BBS7: variants seen among roughly 807,000 people sequenced by gnomAD.
BBS7 encodes the protein Bardet-Biedl syndrome 7.
Under a neutral mutation model 90.3 loss-of-function variants are expected in BBS7, and 50 were observed. The observed-to-expected ratio is 0.55, with a 90% CI of 0.44 to 0.70. The LOEUF (loss-of-function observed/expected upper bound fraction) is 0.70, where lower values mean the gene tolerates loss of function less well. BBS7 is among the 30% of genes least tolerant of loss of function. The pLI, the probability that BBS7 is intolerant of heterozygous loss-of-function variation, is 0.00. For missense variants in BBS7, 729 were observed against 838.9 expected (o/e 0.87, Z 1.62); for synonymous variants, 235 against 287.4 (o/e 0.82, Z 1.85).
At chr4:121,846,719 G>A (rs776545320) in intron 10 of BBS7, among the ~76,000 whole-genome samples, 8 of 152,158 alleles carry the variant, frequency 5.3e-5, no homozygotes, top group Non-Finnish European at 1.2e-4. Context: ...GAAACGGCTT[G>A]TGCTACTAGT....
At chr4:121,828,030 A>G (rs1724987611) in intron 18 of BBS7, 116 bp downstream of exon 18, 9 of 1,535,608 alleles carry the variant, frequency 5.9e-6, no homozygotes, top group Non-Finnish European at 7.0e-6. Flanking sequence ...TGACTGGTTC[A>G]TGAATCATGA....
At chr4:121,848,737 G>C in intron 9 of BBS7, 107 bp downstream of exon 9, 1 of 855,600 alleles carries the variant, frequency 1.2e-6, no homozygotes, top group Non-Finnish European at 1.9e-6. Flanking sequence ...GAATAAGGGG[G>C]GACTACTATA....
chr4:121,846,380 A>C (rs929632222), intron 10 of BBS7, among the ~76,000 whole-genome samples: 3 of 152,174 alleles, frequency 2.0e-5, no homozygotes, highest in Non-Finnish European at 4.4e-5. Flanking sequence ...TCTAGGGAGG[A>C]GCTTAGAAGG....
intron 8 of BBS7, among the ~76,000 whole-genome samples, chr4:121,851,480 G>GAAGA (rs764653629): frequency 2.7e-5 from 4 of 150,838 alleles, no homozygotes; most frequent in Admixed American, 2.0e-4. Context: ...AGGGAGAAAG[G>GAAGA]AAGAAAGAAA....
chr4:121,829,683 T>G (rs1308404528), intron 15 of BBS7, among the ~76,000 whole-genome samples: 1 of 152,226 alleles, frequency 6.6e-6, no homozygotes, highest in Non-Finnish European at 1.5e-5. Context: ...TCCATACCCC[T>G]GACCACAGTG....
At chr4:121,855,356 C>T (rs975997977) in intron 6 of BBS7, 133 bp downstream of exon 6, 8 of 827,996 alleles carry the variant, frequency 9.7e-6, no homozygotes, top group African/African-American at 1.7e-5. Flanking sequence ...TTCAATAACT[C>T]GTGCTGTTAG....
At chr4:121,861,842 G>A (rs1359259994) in intron 3 of BBS7, among the ~76,000 whole-genome samples, 163 bp from the exon 4 acceptor site, 2 of 152,046 alleles carry the variant, frequency 1.3e-5, no homozygotes, top group East Asian at 3.8e-4. Context: ...AGGTCTTCAG[G>A]TTTTTTGCTA....
At chr4:121,854,405 T>C (rs1416859648) in intron 7 of BBS7, among the ~76,000 whole-genome samples, 1 of 152,176 alleles carries the variant, frequency 6.6e-6, no homozygotes, top group Admixed American at 6.5e-5. Context: ...ATTAATTCTG[T>C]ACCTCAAACA....
chr4:121,849,343 G>A (rs1012234882), intron 8 of BBS7, among the ~76,000 whole-genome samples: 12 of 152,162 alleles, frequency 7.9e-5, no homozygotes, highest in African/African-American at 2.9e-4. Context: ...TGGGACCAGA[G>A]GTGCGCGCCA....
In BBS7 at chr4:121,828,247, T is replaced by C; in HGVS notation, c.1913A>G (p.Asn638Ser). The stretch of plus-strand genomic sequence containing the variant: ...ATATTCTGGTATCAGAAAGTTCGTA[T>C]TTCCCTCATGAATCTGTAATTCCTA... ...ALKELQIHEGNTNFLIPEYHC... is the reference protein window; with the variant it reads ...ALKELQIHEGSTNFLIPEYHC... The change falls in exon 18 of 19, where the codon AAT (asparagine) becomes AGT (serine). Residue 638 changes from asparagine (N) to serine (S), a missense_variant. Coordinates refer to ENST00000264499, the MANE Select transcript of BBS7 (RefSeq NM_176824.3). 6.2e-7 allele frequency: 1 copy of C among 1,613,744 alleles called. No individual in the cohort carries two copies. Among genetic ancestry groups the C allele is most frequent in the Non-Finnish European group, 8.5e-7 (1 of 1,179,746 alleles).
Position 121,847,455 on chromosome 4 carries a change from C to A in BBS7, c.986G>T (p.Gly329Val). 2.5e-6 allele frequency: 4 copies of A among 1,613,790 alleles called. No homozygotes were observed. Among genetic ancestry groups the A allele is most frequent in the Non-Finnish European group, 3.4e-6 (4 of 1,179,872 alleles). The change falls in exon 10 of 19, where the codon GGA becomes GTA. Residue 329 changes from glycine (G) to valine (V), a missense_variant. Gly to Val is a moderately radical substitution (Grantham distance 109). Transcript: ENST00000264499. ...CTCCTGATTAATTTTTAGTTCTTCT[C>A]CTGGTCCACTTTCCTTATGAATGGG... ...TEPIHKESGP[G>V]EELKINQEMQ...
Position 121,847,424 on chromosome 4 carries a change from C to T in BBS7, c.1017G>A (p.Gln339=). ...GTTACCGTAAGGAAGAAATTTTATT[C>T]TGCATCTCCTGATTAATTTTTAGTT... ...GEELKINQEM[Q]NKISSLRNEL... The change falls in exon 10 of 19, where the codon CAG becomes CAA. Residue 339 remains glutamine, a synonymous_variant. Coordinates refer to ENST00000264499, the MANE Select transcript of BBS7 (RefSeq NM_176824.3). The T allele has an allele frequency of 6.2e-7, 1 of 1,612,280 alleles. No homozygotes were observed. Among genetic ancestry groups the T allele is most frequent in the Non-Finnish European group, 8.5e-7 (1 of 1,178,676 alleles).
In BBS7 at chr4:121,824,747, CTT is replaced by C. The variant is rs1387686792; in HGVS notation, c.*1111_*1112del. The C allele has an allele frequency of 1.3e-5, 2 of 151,738 alleles. No individual in the cohort carries two copies. The highest frequency in any genetic ancestry group is 2.4e-5 in the African/African-American group (1 of 41,378). 9.4% of individuals were successfully genotyped at this position (151,738 alleles called of 1,614,324 possible). On this transcript the variant is annotated 3_prime_UTR_variant, in exon 19 of 19. Transcript: ENST00000264499. This position sits in a 1 kb window ranked among gnomAD's most constrained non-coding sequence, Gnocchi z 4.1. ...TATGACCTTATTAAAATAAAACTCT[CTT>C]AACTATACGTGCCTTTAACAAATTT...
chr4:121,840,350 T>C (rs1306524249), intron 12 of BBS7, among the ~76,000 whole-genome samples: 2 of 152,214 alleles, frequency 1.3e-5, no homozygotes. Flanking sequence ...CTTTTGTAAA[T>C]TGTCCCATCT....
intron 9 of BBS7, among the ~76,000 whole-genome samples, chr4:121,847,911 C>T (rs1260512951): frequency 6.6e-6 from 1 of 151,570 alleles, no homozygotes; most frequent in East Asian, 1.9e-4. Flanking sequence ...CAAAAATTAC[C>T]AACTCAAAAG....
rs773139166 is a variant in BBS7 at position 121,845,670 on chromosome 4, TTA to T, written c.1062_1063del (p.Tyr354Ter). The T allele has an allele frequency of 7.9e-5, 128 of 1,612,972 alleles. No individual in the cohort carries two copies. Among genetic ancestry groups the T allele is most frequent in the Non-Finnish European group, 1.0e-4 (123 of 1,179,356 alleles). On this transcript the variant is annotated stop_gained and frameshift_variant, in exon 11 of 19. Coordinates refer to ENST00000264499, the MANE Select transcript of BBS7 (RefSeq NM_176824.3). LOFTEE classifies it high-confidence loss of function. ...ATAATTCTCTCTTTCCTGCAATACC[TTA>T]TACTGCAAATGTTCCAACTCATTCC...
At chr4:121,852,920 AAAT>A (rs1205530101) in intron 8 of BBS7, 33 bp downstream of exon 8, 3 of 1,601,330 alleles carry the variant, frequency 1.9e-6, no homozygotes, top group Non-Finnish European at 2.6e-6. Context: ...ATAATTTGAC[AAAT>A]AATAAGCATA....
At chr4:121,868,177 T>C in intron 1 of BBS7, 131 bp from the exon 2 acceptor site, 5 of 762,600 alleles carry the variant, frequency 6.6e-6, no homozygotes, top group Non-Finnish European at 1.2e-5. Context: ...ATTTATTTTC[T>C]AATGAGATAT....
chr4:121,842,860 A>T (rs1029482091), intron 12 of BBS7, among the ~76,000 whole-genome samples: 8 of 152,196 alleles, frequency 5.3e-5, no homozygotes, highest in Non-Finnish European at 1.2e-4. Flanking sequence ...CTTATCGGCT[A>T]GTACTAAGCA....
Sources: gnomAD v4.1 joint callset for allele counts (sites outside exome capture counted in the v4.1 genomes callset) on GRCh38, gnomAD v4.1.1 for gene constraint, Gnocchi (gnomAD v3.1) non-coding constraint, MANE v1.5 for transcripts, NCBI Gene and HGNC (gene_info 2026-07-23, HGNC 2026-07-21) for gene names.